The following PCDHGA9 variants were observed in gnomAD, a reference collection of about 807,000 sequenced individuals.
PCDHGA9 encodes protocadherin gamma subfamily A, 9.
A neutral mutation model predicts 62.5 loss-of-function variants in PCDHGA9; 37 were observed. The ratio of observed to expected loss-of-function variants is 0.59; its 90% CI spans 0.46 to 0.78. The LOEUF is 0.78. Among genes scored for constraint, PCDHGA9 ranks in the 30% least tolerant of loss-of-function variants. PCDHGA9 has a pLI of 0.00. For missense variants in PCDHGA9, 1,138 were observed against 1,166.2 expected (o/e 0.98, Z 0.35); for synonymous variants, 459 against 484.6 (o/e 0.95, Z 0.69).
rs1590066119 is a variant in PCDHGA9, at chr5:141,417,816, C to G, written c.2424+12440C>G. On this transcript the variant is annotated intron_variant, in intron 1 of 3. Transcript: ENST00000573521. ...CTTTTAGCGCGGTAGAGTGCACTTT[C>G]TCCAACTGGAAAAGCGGGGACCCAG... is the stretch of plus-strand genomic sequence containing the variant. 3 of 1,511,044 alleles carry G rather than the reference C, an allele frequency of 2.0e-6. No homozygotes were observed. The East Asian group carries it at 7.4e-5, about 37-fold the overall frequency. 93.6% of individuals were successfully genotyped at this position (1,511,044 alleles called of 1,614,324 possible).
chr5:141,433,050 G>A, intron 1 of PCDHGA9: 2 of 1,614,142 alleles, frequency 1.2e-6, no homozygotes, highest in Non-Finnish European at 1.7e-6. Context: ...ACGGACTCGC[G>A]GAAGAGTCAC....
At chr5:141,458,485 A>G (rs2098946793) in intron 1 of PCDHGA9, among the ~76,000 whole-genome samples, 1 of 151,558 alleles carries the variant, frequency 6.6e-6, no homozygotes, top group Non-Finnish European at 1.5e-5. Context: ...GAAAATGAGG[A>G]CTGCCTGTAC....
chr5:141,506,435 G>A (rs1470687416), intron 3 of PCDHGA9, among the ~76,000 whole-genome samples: 7 of 126,234 alleles, frequency 5.5e-5, no homozygotes, highest in African/African-American at 2.0e-4. Context: ...CAACAGTCTC[G>A]CTCTGTCTCA....
chr5:141,415,078 GC>G (rs2095826068), intron 1 of PCDHGA9: 1 of 1,613,376 alleles, frequency 6.2e-7, no homozygotes, highest in Non-Finnish European at 8.5e-7. Flanking sequence ...CACGGCGCGA[GC>G]CCTGCTGGAC....
chr5:141,424,149 G>T, intron 1 of PCDHGA9: 1 of 324,612 alleles, frequency 3.1e-6, no homozygotes. Flanking sequence ...GCTCCCTCTA[G>T]CTCTCCTTCT....
chr5:141,499,996 C>A (rs1246090346), intron 2 of PCDHGA9, among the ~76,000 whole-genome samples: 2 of 151,572 alleles, frequency 1.3e-5, no homozygotes, highest in Non-Finnish European at 2.9e-5. Flanking sequence ...CCAGATGATT[C>A]TTTCATAAGG....
intron 1 of PCDHGA9, chr5:141,408,786 C>A: frequency 6.2e-7 from 1 of 1,612,430 alleles, no homozygotes; most frequent in Non-Finnish European, 8.5e-7. Flanking sequence ...CCAGAGTTAT[C>A]TCTGGAGAAA....
intron 1 of PCDHGA9, chr5:141,418,919 G>C: frequency 6.2e-7 from 1 of 1,614,016 alleles, no homozygotes. Flanking sequence ...GTCACTCTCT[G>C]ATCAGATTAT....
intron 2 of PCDHGA9, among the ~76,000 whole-genome samples, chr5:141,499,868 A>G (rs2099794957): frequency 6.6e-6 from 1 of 152,024 alleles, no homozygotes; most frequent in Non-Finnish European, 1.5e-5. Context: ...TTGTATTTTC[A>G]GTACAAACAG....
chr5:141,488,040 G>A (rs1212272063), intron 1 of PCDHGA9, among the ~76,000 whole-genome samples: 1 of 152,112 alleles, frequency 6.6e-6, no homozygotes, highest in Non-Finnish European at 1.5e-5. Flanking sequence ...CATTTCCCAA[G>A]GGATTGAGGG....
At chr5:141,510,824 A>G (rs947400590) in intron 3 of PCDHGA9, 123 bp from the exon 4 acceptor site, 2 of 1,563,416 alleles carry the variant, frequency 1.3e-6, no homozygotes, top group Non-Finnish European at 1.7e-6. Flanking sequence ...CTATATTCCC[A>G]GTGCTCAGCG....
At position 141,487,267 on chromosome 5, in the gene PCDHGA9, G is replaced by A; in HGVS notation, c.2425-7540G>A. 3 of 1,614,134 alleles carry A rather than the reference G, an allele frequency of 1.9e-6. No individual in the cohort carries two copies. The highest frequency in any genetic ancestry group is 2.5e-6 in the Non-Finnish European group (3 of 1,180,024). ...CCCTCTACTTGGCTGTGTCCCTAGT[G>A]GCAATTTGCTTTGTCTCCTTTGGCT... is the stretch of plus-strand genomic sequence containing the variant. On this transcript the variant is annotated intron_variant, in intron 1 of 3. Transcript: ENST00000573521. The surrounding 1 kb of genome is among the most constrained non-coding windows in gnomAD (Gnocchi z 5.0).
Position 141,477,140 on chromosome 5 carries a change from G to GT in PCDHGA9, c.2425-17665dup. ...AGCACATTGCAAAGTGTTGGTGGAG[G>GT]TTGTGGATGTGAATGACAACGCCCC... On this transcript the variant is annotated intron_variant, in intron 1 of 3. Transcript: ENST00000573521. The surrounding 1 kb of genome is among the most constrained non-coding windows in gnomAD (Gnocchi z 4.9). 1 of 1,614,220 alleles carries GT rather than the reference G, an allele frequency of 6.2e-7. No homozygotes were observed. Among genetic ancestry groups the GT allele is most frequent in the Non-Finnish European group, 8.5e-7 (1 of 1,180,048 alleles).
chr5:141,481,924 A>G (rs1189494301), intron 1 of PCDHGA9, among the ~76,000 whole-genome samples: 1 of 151,648 alleles, frequency 6.6e-6, no homozygotes, highest in Non-Finnish European at 1.5e-5. Context: ...AAAAAAAAAA[A>G]AAAAAAAAAA....
chr5:141,425,661 C>A (rs993314865), intron 1 of PCDHGA9, among the ~76,000 whole-genome samples: 5 of 152,184 alleles, frequency 3.3e-5, no homozygotes, highest in Admixed American at 3.3e-4. Context: ...ATTATCTGCA[C>A]ATCAGATTGA....
At chr5:141,408,836 T>G in intron 1 of PCDHGA9, 1 of 1,613,680 alleles carries the variant, frequency 6.2e-7, no homozygotes, top group Non-Finnish European at 8.5e-7. Context: ...TAGCTTGATA[T>G]TGACTGCCTT....
Position 141,404,891 on chromosome 5 carries a change from C to G in PCDHGA9, c.1939C>G (p.Gln647Glu). The G allele has an allele frequency of 6.2e-7, 1 of 1,613,898 alleles. No individual in the cohort carries two copies. The highest frequency in any genetic ancestry group is 1.3e-5 in the African/African-American group (1 of 75,050). ...CAAACAGAGCCTTGTGGTGGCTGTACAGGACCATGGCCAGCCCCCTCTCTC... is the reference window on the plus strand; with the variant it reads ...CAAACAGAGCCTTGTGGTGGCTGTAGAGGACCATGGCCAGCCCCCTCTCTC... ...ALKQSLVVAV[Q>E]DHGQPPLSAT... Residue 647 changes from glutamine (Q) to glutamate (E), a missense_variant, in exon 1 of 4, where the codon CAG (glutamine) becomes GAG (glutamate). Gln to Glu is a conservative substitution (Grantham distance 29). Transcript: ENST00000573521.
At position 141,422,424 on chromosome 5, in the gene PCDHGA9, T is replaced by C. The variant is rs1182660567; in HGVS notation, c.2424+17048T>C. The C allele has an allele frequency of 2.5e-6, 4 of 1,608,076 alleles. No homozygotes were observed. The East Asian group carries it at 6.7e-5, about 27-fold the overall frequency. On this transcript the variant is annotated intron_variant, in intron 1 of 3. Transcript: ENST00000573521. ...TGCCTTTTAAATTAGAAAAGACTTA[T>C]GGAAATTATTACAAATTGATAACAA...
intron 3 of PCDHGA9, among the ~76,000 whole-genome samples, chr5:141,507,856 A>T (rs1200072170): frequency 1.3e-5 from 2 of 151,926 alleles, no homozygotes; most frequent in Non-Finnish European, 2.9e-5. Flanking sequence ...TCTCACTTTC[A>T]CACCCGCTTC....
Sources: gnomAD v4.1 joint callset for allele counts (sites outside exome capture counted in the v4.1 genomes callset) on GRCh38, gnomAD v4.1.1 for gene constraint, Gnocchi (gnomAD v3.1) non-coding constraint, MANE v1.5 for transcripts, NCBI Gene and HGNC (gene_info 2026-07-23, HGNC 2026-07-21) for gene names.